Variants in RAPGEF5 observed in about 807,000 individuals in gnomAD.
RAPGEF5 encodes the protein Rap guanine nucleotide exchange factor 5, also known as M-Ras-regulated GEF.
In RAPGEF5, 65 loss-of-function variants were observed where a neutral mutation model predicts 125.2. That is an observed-to-expected ratio of 0.52 (90% CI 0.43 to 0.64). The LOEUF (loss-of-function observed/expected upper bound fraction) is 0.64, where lower values mean the gene tolerates loss of function less well. Ranked by LOEUF, RAPGEF5 falls within the 30% of genes least tolerant of loss-of-function variation. RAPGEF5 has a pLI of 0.00. For missense variants in RAPGEF5, 958 were observed against 1,048.1 expected (o/e 0.91, Z 1.19); for synonymous variants, 391 against 385.9 (o/e 1.01, Z -0.16).
At chr7:22,244,561 T>A (rs968879493) in intron 7 of RAPGEF5, among the ~76,000 whole-genome samples, 1 of 152,144 alleles carries the variant, frequency 6.6e-6, no homozygotes, top group Admixed American at 6.6e-5. Context: ...CCAGATGGAA[T>A]CATCTAGTTG....
chr7:22,315,524 AT>A, intron 2 of RAPGEF5, 48 bp from the exon 3 acceptor site: 1 of 1,260,094 alleles, frequency 7.9e-7, no homozygotes. Context: ...TAATGTGACA[AT>A]TTGTGAACTA....
chr7:22,230,904 T>C lies in RAPGEF5; in HGVS notation c.812A>G (p.Glu271Gly), dbSNP rs1383925151. 6.4e-7 allele frequency: 1 copy of C among 1,560,966 alleles called. No homozygotes were observed. The highest frequency in any genetic ancestry group is 2.4e-5 in the East Asian group (1 of 42,528). Residue 271 changes from glutamate (E) to glycine (G), a missense_variant, in exon 8 of 26, where the codon GAA becomes GGA. Transcript: ENST00000665637. ...AGCTACATGTTTGTCGTTGTTTTCT[T>C]CATCTTGTTCAATTGCTTAAAAAAA... is the stretch of plus-strand genomic sequence containing the variant. ...KARKSAIEQD[E>G]ENNDKHVAVT... is the part of the protein sequence containing the mutation.
intron 7 of RAPGEF5, among the ~76,000 whole-genome samples, chr7:22,256,053 C>T (rs1239315809): frequency 2.6e-5 from 4 of 152,132 alleles, no homozygotes; most frequent in African/African-American, 9.7e-5. Context: ...TTACTCTTGC[C>T]TGCCCAGCAG....
intron 6 of RAPGEF5, among the ~76,000 whole-genome samples, chr7:22,273,211 A>ATTTTTTTTTTTTT (rs71026869): frequency 2.1e-5 from 2 of 96,590 alleles, no homozygotes; most frequent in Non-Finnish European, 3.9e-5. Context: ...ACTTAGGAGT[A>ATTTTTTTTTTTTT]TTTTTTTTTT....
At chr7:22,163,806 G>A (rs1186033354) in intron 12 of RAPGEF5, among the ~76,000 whole-genome samples, 2 of 152,152 alleles carry the variant, frequency 1.3e-5, no homozygotes, top group Non-Finnish European at 2.9e-5. Context: ...ACACTTGAGG[G>A]TTGTTGGACA....
intron 6 of RAPGEF5, among the ~76,000 whole-genome samples, chr7:22,288,849 T>C (rs1782863666): frequency 6.6e-6 from 1 of 152,346 alleles, no homozygotes; most frequent in Admixed American, 6.5e-5. Flanking sequence ...CTAACCAATC[T>C]CCCTATCTTC....
At chr7:22,274,455 G>A (rs1019569576) in intron 6 of RAPGEF5, among the ~76,000 whole-genome samples, 10 of 151,512 alleles carry the variant, frequency 6.6e-5, no homozygotes, top group South Asian at 4.2e-4. Flanking sequence ...TCAGCCTCCC[G>A]AGTACCTGAG....
At chr7:22,233,180 G>C in intron 7 of RAPGEF5, among the ~76,000 whole-genome samples, 1 of 152,174 alleles carries the variant, frequency 6.6e-6, no homozygotes, top group Non-Finnish European at 1.5e-5. Flanking sequence ...ATGGGCTATA[G>C]AAGTAAGGAA....
In RAPGEF5 at chr7:22,143,771, C is replaced by G. The variant is rs114362539; in HGVS notation, c.2186+1273G>C. Reference sequence around the variant, plus strand: ...AGCTCTCGCTCCTCTAAAGCCTCAACAGACTTAGATCTTCTTCTAGGGCAT... The same window carrying G: ...AGCTCTCGCTCCTCTAAAGCCTCAAGAGACTTAGATCTTCTTCTAGGGCAT... On this transcript the variant is annotated intron_variant, in intron 20 of 25. Transcript: ENST00000665637. Among the ~76,000 whole-genome samples, 757 of 152,332 alleles carry G rather than the reference C, an allele frequency of 5.0e-3. 8 individuals carry two copies. Among genetic ancestry groups the G allele is most frequent in the African/African-American group, 0.018 (730 of 41,566 alleles).
Position 22,119,792 on chromosome 7 carries a change from T to C in RAPGEF5, c.*2614A>G, listed in dbSNP as rs998722427. The C allele has an allele frequency of 7.9e-5, 12 of 152,232 alleles. No individual in the cohort carries two copies. Among genetic ancestry groups the C allele is most frequent in the Admixed American group, 7.2e-4 (11 of 15,286 alleles). The allele number at this position is 152,232 out of a possible 1,614,324, so 9.4% of individuals were successfully genotyped here. ...GCTGGCAAAGAGCTTAGCCATCTTC[T>C]AGACCACGCTTCTAGCCAGAACAAA... is the stretch of plus-strand genomic sequence containing the variant. On this transcript the variant is annotated 3_prime_UTR_variant, in exon 26 of 26. Coordinates refer to ENST00000665637, the MANE Select transcript of RAPGEF5 (RefSeq NM_012294.5). The surrounding 1 kb of genome is among the most constrained non-coding windows in gnomAD (Gnocchi z 4.1).
chr7:22,331,862 A>C (rs1317005577), intron 1 of RAPGEF5, among the ~76,000 whole-genome samples: 2 of 152,140 alleles, frequency 1.3e-5, no homozygotes, highest in African/African-American at 4.8e-5. Context: ...GTTACCAGTG[A>C]TTTCCTTCTA....
At chr7:22,245,491 T>C (rs1786452840) in intron 7 of RAPGEF5, among the ~76,000 whole-genome samples, 1 of 152,064 alleles carries the variant, frequency 6.6e-6, no homozygotes, top group African/African-American at 2.4e-5. Flanking sequence ...TTTTTGTATA[T>C]GGTGTGAGAT....
At chr7:22,346,986 T>A (rs1784235134) in intron 1 of RAPGEF5, among the ~76,000 whole-genome samples, 1 of 152,176 alleles carries the variant, frequency 6.6e-6, no homozygotes, top group South Asian at 2.1e-4. Flanking sequence ...ATATCTAATG[T>A]CATTTAGTTA....
intron 1 of RAPGEF5, among the ~76,000 whole-genome samples, chr7:22,351,050 G>A (rs1784320642): frequency 6.6e-6 from 1 of 152,212 alleles, no homozygotes; most frequent in East Asian, 1.9e-4. Context: ...TAAGCTGGGT[G>A]AATTCACAAG....
chr7:22,215,702 G>A (rs1785620669), intron 9 of RAPGEF5, among the ~76,000 whole-genome samples: 1 of 152,214 alleles, frequency 6.6e-6, no homozygotes, highest in Non-Finnish European at 1.5e-5. Flanking sequence ...AGTTAATTCT[G>A]AGGAAGGCAC....
At chr7:22,328,719 C>T (rs1247312507) in intron 1 of RAPGEF5, among the ~76,000 whole-genome samples, 1 of 152,188 alleles carries the variant, frequency 6.6e-6, no homozygotes, top group African/African-American at 2.4e-5. Context: ...AATTCCAAAA[C>T]CCTGCTCCCA....
intron 6 of RAPGEF5, 127 bp from the exon 7 acceptor site, chr7:22,267,139 A>T (rs1782302717): frequency 1.1e-6 from 1 of 887,756 alleles, no homozygotes; most frequent in Admixed American, 3.0e-5. Flanking sequence ...GTTTGCTGCC[A>T]GCACTTTTTT....
At chr7:22,205,653 A>G (rs903343002) in intron 9 of RAPGEF5, among the ~76,000 whole-genome samples, 1 of 152,248 alleles carries the variant, frequency 6.6e-6, no homozygotes, top group Non-Finnish European at 1.5e-5. Flanking sequence ...AACCTAGCCA[A>G]CATCAAGAAC....
intron 7 of RAPGEF5, among the ~76,000 whole-genome samples, chr7:22,236,525 A>T (rs1035252668): frequency 6.6e-6 from 1 of 152,156 alleles, no homozygotes; most frequent in Non-Finnish European, 1.5e-5. Context: ...TTAGATCACC[A>T]CCAAGTACTG....
Sources: allele counts gnomAD v4.1 joint callset (sites outside exome capture counted in the v4.1 genomes callset), GRCh38; gene constraint gnomAD v4.1.1; non-coding constraint Gnocchi (gnomAD v3.1); transcripts MANE v1.5; gene names NCBI Gene and HGNC (gene_info 2026-07-23, HGNC 2026-07-21).